LDLRAD4: variants seen among roughly 807,000 people sequenced by gnomAD.
LDLRAD4 encodes the protein low-density lipoprotein receptor class A domain-containing protein 4.
In LDLRAD4, 5 loss-of-function variants were observed where a neutral mutation model predicts 17.0. The ratio of observed to expected loss-of-function variants is 0.29; its 90% confidence interval spans 0.15 to 0.62. The LOEUF is 0.62. Among genes scored for constraint, LDLRAD4 ranks in the 20% least tolerant of loss-of-function variants. The pLI is 0.84. For missense variants in LDLRAD4, 340 were observed against 424.7 expected, an observed-to-expected ratio of 0.80 and a Z score of 1.75; for synonymous variants, 168 against 171.8, an observed-to-expected ratio of 0.98 and a Z score of 0.17.
intron 1 of LDLRAD4, among the ~76,000 whole-genome samples, chr18:13,242,276 G>C (rs4797748): frequency 0.89 from 134,930 of 152,294 alleles, 59,880 homozygotes; most frequent in East Asian, 0.95. Context: ...ACCCGGTCAC[G>C]TCAGTGCTTG....
At chr18:13,422,616 T>C (rs532167538) in intron 2 of LDLRAD4, among the ~76,000 whole-genome samples, 6 of 151,884 alleles carry the variant, frequency 4.0e-5, no homozygotes, top group South Asian at 4.2e-4. Flanking sequence ...GAGGATGGCT[T>C]GAGCCCAGGT....
intron 3 of LDLRAD4, among the ~76,000 whole-genome samples, chr18:13,552,685 G>A (rs185774200): frequency 8.1e-4 from 124 of 152,230 alleles, no homozygotes; most frequent in African/African-American, 2.9e-3. Context: ...TCTTTCTTCC[G>A]TGTTGTATCC....
chr18:13,641,695 C>A (rs1258281602), intron 4 of LDLRAD4: 19 of 954,920 alleles, frequency 2.0e-5, no homozygotes, highest in South Asian at 4.8e-5. Flanking sequence ...CCTGTCCGGG[C>A]TGGCGGGGCC....
At chr18:13,610,292 T>C (rs1418141188) in intron 3 of LDLRAD4, among the ~76,000 whole-genome samples, 711 of 69,018 alleles carry the variant, frequency 0.01, 33 homozygotes, top group African/African-American at 0.029. Flanking sequence ...TTTTTTTTTT[T>C]TTTTTTTTTT....
intron 3 of LDLRAD4, among the ~76,000 whole-genome samples, chr18:13,497,268 C>T (rs540604025): frequency 6.6e-6 from 1 of 152,170 alleles, no homozygotes; most frequent in Non-Finnish European, 1.5e-5. Context: ...TCTTGACTTC[C>T]TGGGCTCAAG....
At chr18:13,477,337 G>A (rs974454115) in intron 3 of LDLRAD4, among the ~76,000 whole-genome samples, 7 of 152,166 alleles carry the variant, frequency 4.6e-5, no homozygotes, top group Non-Finnish European at 8.8e-5. Flanking sequence ...GGAAATGCAC[G>A]CTCACCCGAG....
chr18:13,596,733 A>C (rs1357891501), intron 3 of LDLRAD4, among the ~76,000 whole-genome samples: 1 of 152,190 alleles, frequency 6.6e-6, no homozygotes, highest in Non-Finnish European at 1.5e-5. Context: ...GTCTTGTATT[A>C]GCCTTCTAAT....
At chr18:13,413,509 T>C (rs1160936398) in intron 2 of LDLRAD4, among the ~76,000 whole-genome samples, 1 of 152,258 alleles carries the variant, frequency 6.6e-6, no homozygotes, top group Non-Finnish European at 1.5e-5. Flanking sequence ...CTCAGGTCTC[T>C]GACCAGGCAC....
intron 1 of LDLRAD4, among the ~76,000 whole-genome samples, chr18:13,344,324 A>T (rs566074322): frequency 6.6e-6 from 1 of 152,184 alleles, no homozygotes; most frequent in African/African-American, 2.4e-5. Flanking sequence ...TCCCAGCACC[A>T]TTTATTAAAT....
rs34516593 is a variant in LDLRAD4 at position 13,247,960 on chromosome 18, CTTTTT to C, written c.-467+28985_-467+28989del. On this transcript the variant is annotated intron_variant, in intron 1 of 5. Transcript: ENST00000399848. The stretch of plus-strand genomic sequence containing the variant: ...AACTGCACACAGCGCCGCCCCCCGC[CTTTTT>C]TTTTTTTTTTTTAAAGACAGAGTCT... Among the ~76,000 whole-genome samples, 158 of 132,000 alleles carry C rather than the reference CTTTTT, an allele frequency of 1.2e-3. 1 individual carries two copies. The highest frequency in any genetic ancestry group is 4.6e-3 in the African/African-American group (156 of 33,972). The allele number at this position is 132,000 out of a possible 152,430, so 86.6% of individuals were successfully genotyped here. A position where few individuals can be genotyped will look rare whatever the true frequency, so the allele number is the denominator to read the frequency against.
intron 1 of LDLRAD4, among the ~76,000 whole-genome samples, chr18:13,319,324 G>C (rs1017890748): frequency 6.6e-6 from 1 of 152,036 alleles, no homozygotes; most frequent in Admixed American, 6.6e-5. Context: ...TGGCGGGGCA[G>C]CTGGCCCAGG....
intron 1 of LDLRAD4, among the ~76,000 whole-genome samples, chr18:13,319,583 G>C (rs1271435909): frequency 6.6e-6 from 1 of 152,154 alleles, no homozygotes; most frequent in Non-Finnish European, 1.5e-5. Context: ...TCTCATTTTT[G>C]TGTGTGCGTG....
At chr18:13,468,034 G>T (rs76500612) in intron 3 of LDLRAD4, among the ~76,000 whole-genome samples, 10,793 of 152,104 alleles carry the variant, frequency 0.071, 950 homozygotes, top group African/African-American at 0.21. Flanking sequence ...CATAAAATTC[G>T]TAGGAGAAAA....
At position 13,343,252 on chromosome 18, in the gene LDLRAD4, G is replaced by T. The variant is rs1259630131; in HGVS notation, c.-382-44089G>T. ...CCCCCCTCCCCCCACCCCACAACAG[G>T]CCCCAGTGTGTGATGTTCCCCTTCC... On this transcript the variant is annotated intron_variant, in intron 1 of 5. Transcript: ENST00000359446. 3.7e-5 allele frequency among the ~76,000 whole-genome samples: 4 copies of T among 108,332 alleles called. No individual in the cohort carries two copies. In the Admixed American group the frequency reaches 5.4e-4, roughly 15 times the overall value. The allele number at this position is 108,332 out of a possible 152,430, so 71.1% of individuals were successfully genotyped here.
rs59741594 is a variant in LDLRAD4 at position 13,456,799 on chromosome 18, G to C, written c.181+18415G>C. 8.4e-3 allele frequency among the ~76,000 whole-genome samples: 1,285 copies of C among 152,352 alleles called. 15 individuals are homozygous for C. Among genetic ancestry groups the C allele is most frequent in the African/African-American group, 0.029 (1,221 of 41,586 alleles). ...GCTATCAGTGCGGGTTTGAGCCCCA[G>C]CTTCAGGCTCAGTAAATCATAGGTC... On this transcript the variant is annotated intron_variant, in intron 3 of 5. Coordinates refer to ENST00000359446, the Ensembl canonical transcript of LDLRAD4.
intron 1 of LDLRAD4, among the ~76,000 whole-genome samples, chr18:13,231,680 C>T (rs1367450642): frequency 6.6e-6 from 1 of 152,196 alleles, no homozygotes; most frequent in Non-Finnish European, 1.5e-5. Flanking sequence ...TTATCACTTT[C>T]GCATGGGAAT....
intron 3 of LDLRAD4, among the ~76,000 whole-genome samples, chr18:13,563,151 A>G (rs2094559052): frequency 6.6e-6 from 1 of 152,168 alleles, no homozygotes; most frequent in Non-Finnish European, 1.5e-5. Flanking sequence ...TTTTAGTAAA[A>G]CTTATTTTTA....
At chr18:13,546,118 G>T (rs1421370032) in intron 3 of LDLRAD4, among the ~76,000 whole-genome samples, 1 of 152,128 alleles carries the variant, frequency 6.6e-6, no homozygotes. Flanking sequence ...TGGGGAGTGG[G>T]TGGTAAAAGT....
At chr18:13,281,883 G>A (rs984576736) in intron 1 of LDLRAD4, among the ~76,000 whole-genome samples, 4 of 152,096 alleles carry the variant, frequency 2.6e-5, no homozygotes, top group Admixed American at 6.5e-5. Context: ...GTATTAGTCC[G>A]GATTCATGCT....
Sources: allele counts gnomAD v4.1 joint callset (sites outside exome capture counted in the v4.1 genomes callset), GRCh38; gene constraint gnomAD v4.1.1; transcripts MANE v1.5; gene names NCBI Gene and HGNC (gene_info 2026-07-23, HGNC 2026-07-21).